Variants in FBXL14 observed in about 807,000 individuals in gnomAD.
The protein encoded by FBXL14 is F-box and leucine rich repeat protein 14, also known as F-box/LRR-repeat protein 14.
FBXL14 carries 11 observed loss-of-function variants against 24.5 expected under a neutral mutation model. The ratio of observed to expected loss-of-function variants is 0.45; its 90% CI spans 0.28 to 0.74. The LOEUF (loss-of-function observed/expected upper bound fraction) is 0.74, where lower values mean the gene tolerates loss of function less well. Ranked by LOEUF, FBXL14 falls within the 30% of genes least tolerant of loss-of-function variation. FBXL14 has a pLI of 0.12. For synonymous variants in FBXL14, 294 were observed against 240.4 expected (o/e 1.22, Z -2.06); for missense variants, 384 against 545.6 (o/e 0.70, Z 2.95).
At position 1,592,967 on chromosome 12, in the gene FBXL14, G is replaced by C; in HGVS notation, c.1100C>G (p.Thr367Ser). ...CTCCAGGCCGCGCTTGGTGATTCGG[G>C]TGCAGCCGTACAGGTCTATGCCGGT... ...QLTGIDLYGC[T>S]RITKRGLERI... Residue 367 changes from threonine to serine, a missense_variant, in exon 1 of 2, where the codon ACC becomes AGC. Thr to Ser is a moderately conservative substitution (Grantham distance 58, BLOSUM62 1). Transcript: ENST00000339235. The C allele has an allele frequency of 1.2e-6, 2 of 1,613,244 alleles. No homozygotes were observed. The highest frequency in any genetic ancestry group is 1.7e-6 in the Non-Finnish European group (2 of 1,179,824).
At chr12:1,580,982 G>A (rs1388728338) in intron 1 of FBXL14, among the ~76,000 whole-genome samples, 3 of 152,094 alleles carry the variant, frequency 2.0e-5, no homozygotes, top group African/African-American at 4.8e-5. Flanking sequence ...AGTATCAAGC[G>A]GAAGGCAGCC....
At chr12:1,570,683 A>G (rs138600887) in intron 1 of FBXL14, among the ~76,000 whole-genome samples, 2 of 152,294 alleles carry the variant, frequency 1.3e-5, no homozygotes, top group Non-Finnish European at 2.9e-5. Flanking sequence ...TTAAGGACTA[A>G]GTGAGCAAAG....
Position 1,570,468 on chromosome 12 carries a change from G to A in FBXL14, c.1195-3658C>T, listed in dbSNP as rs141995819. ...TGCAGGAGCTGGTGGTCAGAAGGTG[G>A]GGTCTCGTGCCTGAAGGGTGAAGGT... On this transcript the variant is annotated intron_variant, in intron 1 of 1. Coordinates refer to ENST00000339235, the MANE Select transcript of FBXL14 (RefSeq NM_152441.3). Among the ~76,000 whole-genome samples the A allele has an allele frequency of 3.7e-3, 561 of 152,284 alleles. 1 individual carries two copies. The highest frequency in any genetic ancestry group is 0.013 in the African/African-American group (524 of 41,564).
chr12:1,583,146 C>A (rs979255342), intron 1 of FBXL14, among the ~76,000 whole-genome samples: 2 of 151,744 alleles, frequency 1.3e-5, no homozygotes, highest in African/African-American at 4.8e-5. Context: ...AAAAAAGATA[C>A]TCCTAAAATT....
chr12:1,568,140 A>G (rs1419700937), intron 1 of FBXL14, among the ~76,000 whole-genome samples: 1 of 152,254 alleles, frequency 6.6e-6, no homozygotes, highest in Non-Finnish European at 1.5e-5. Context: ...TCAAAGATAA[A>G]GAAAAAGTCC....
intron 1 of FBXL14, among the ~76,000 whole-genome samples, chr12:1,583,134 A>T (rs185781562): frequency 2.9e-4 from 43 of 147,816 alleles, no homozygotes; most frequent in Non-Finnish European, 4.5e-4. Context: ...AAAAAAAATT[A>T]AAAAAAAGAT....
At chr12:1,588,907 C>A (rs1006604295) in intron 1 of FBXL14, among the ~76,000 whole-genome samples, 3 of 151,794 alleles carry the variant, frequency 2.0e-5, no homozygotes. Context: ...GTAGGTATGG[C>A]GGGGATCAAC....
At chr12:1,590,840 T>A (rs2154438358) in intron 1 of FBXL14, among the ~76,000 whole-genome samples, 1 of 152,316 alleles carries the variant, frequency 6.6e-6, no homozygotes, top group South Asian at 2.1e-4. Context: ...TATGCATGAC[T>A]GAGCCGGCAA....
chr12:1,580,535 G>C (rs377058877), intron 1 of FBXL14, among the ~76,000 whole-genome samples: 2 of 152,120 alleles, frequency 1.3e-5, no homozygotes, highest in Non-Finnish European at 2.9e-5. Context: ...AACATAGTGG[G>C]GGGGGAGGTC....
intron 1 of FBXL14, among the ~76,000 whole-genome samples, chr12:1,577,569 C>T (rs1018208244): frequency 1.3e-5 from 2 of 152,256 alleles, no homozygotes; most frequent in African/African-American, 2.4e-5. Context: ...CACCTGCCCC[C>T]GCCCCCAGGC....
At chr12:1,573,810 G>A (rs949710969) in intron 1 of FBXL14, among the ~76,000 whole-genome samples, 1 of 152,198 alleles carries the variant, frequency 6.6e-6, no homozygotes, top group African/African-American at 2.4e-5. Context: ...TTTGAGACCA[G>A]CCTGACCAAC....
At chr12:1,580,539 GGAGGT>G (rs1160330998) in intron 1 of FBXL14, among the ~76,000 whole-genome samples, 2 of 152,092 alleles carry the variant, frequency 1.3e-5, no homozygotes, top group Non-Finnish European at 2.9e-5. Flanking sequence ...TAGTGGGGGG[GGAGGT>G]CCTTGCTGCC....
At chr12:1,578,883 C>A (rs1032618645) in intron 1 of FBXL14, among the ~76,000 whole-genome samples, 2 of 152,092 alleles carry the variant, frequency 1.3e-5, no homozygotes, top group Non-Finnish European at 2.9e-5. Flanking sequence ...TAGAGACATG[C>A]CACTGTGTGC....
At chr12:1,575,682 T>G (rs2094454502) in intron 1 of FBXL14, among the ~76,000 whole-genome samples, 1 of 152,018 alleles carries the variant, frequency 6.6e-6, no homozygotes, top group Non-Finnish European at 1.5e-5. Flanking sequence ...GCCCATGCTG[T>G]GGGTCAGGAT....
At chr12:1,571,795 A>G (rs2094445958) in intron 1 of FBXL14, among the ~76,000 whole-genome samples, 1 of 152,204 alleles carries the variant, frequency 6.6e-6, no homozygotes, top group African/African-American at 2.4e-5. Flanking sequence ...TTCCTCAAGT[A>G]AGAATCAGCT....
At chr12:1,586,571 C>T (rs552332500) in intron 1 of FBXL14, among the ~76,000 whole-genome samples, 1 of 152,268 alleles carries the variant, frequency 6.6e-6, no homozygotes, top group Admixed American at 6.5e-5. Context: ...CGCCTCCATG[C>T]TGGTCACCTT....
Position 1,567,129 on chromosome 12 carries a change from G to C in FBXL14, c.1195-319C>G, listed in dbSNP as rs567246630. Among the ~76,000 whole-genome samples the C allele has an allele frequency of 2.0e-5, 3 of 152,094 alleles. No homozygotes were observed. In the South Asian group the frequency reaches 6.2e-4, roughly 32 times the overall value. On this transcript the variant is annotated intron_variant, in intron 1 of 1. Coordinates refer to ENST00000339235, the MANE Select transcript of FBXL14 (RefSeq NM_152441.3). This position sits in a 1 kb window ranked among gnomAD's most constrained non-coding sequence, Gnocchi z 4.8. ...CTCTTTACAGCAGCTGCCTTTACCCGGTCACAGCCACTATCAAGAAAAAGA... is the reference window on the plus strand; with the variant it reads ...CTCTTTACAGCAGCTGCCTTTACCCCGTCACAGCCACTATCAAGAAAAAGA...
intron 1 of FBXL14, among the ~76,000 whole-genome samples, chr12:1,591,335 TACAAGGC>T (rs1451080664): frequency 1.5e-5 from 2 of 134,294 alleles, no homozygotes; most frequent in African/African-American, 2.8e-5. Context: ...AATTCGCAGA[TACAAGGC>T]TGTTGTTTTT....
chr12:1,594,165 C>A lies in FBXL14; in HGVS notation c.-99G>T. The A allele has an allele frequency of 4.4e-6, 4 of 904,964 alleles. No individual in the cohort carries two copies. Among genetic ancestry groups the A allele is most frequent in the Non-Finnish European group, 5.7e-6 (4 of 706,774 alleles). The allele number at this position is 904,964 out of a possible 1,614,324, so 56.1% of individuals were successfully genotyped here. ...GAGAGCGCTTCTCCCCAGCCGCCGC[C>A]GCCGCCGCCGCCGCCGCCTCGGGCC... On this transcript the variant is annotated 5_prime_UTR_variant, in exon 1 of 2. Coordinates refer to ENST00000339235, the MANE Select transcript of FBXL14 (RefSeq NM_152441.3).
Sources: gnomAD v4.1 joint callset for allele counts (sites outside exome capture counted in the v4.1 genomes callset) on GRCh38, gnomAD v4.1.1 for gene constraint, Gnocchi (gnomAD v3.1) non-coding constraint, MANE v1.5 for transcripts, NCBI Gene and HGNC (gene_info 2026-07-23, HGNC 2026-07-21) for gene names.